Variants in XPO6 observed in about 807,000 individuals in gnomAD.
XPO6 encodes exportin-6.
A neutral mutation model predicts 130.0 loss-of-function variants in XPO6; 3 were observed. The ratio of observed to expected loss-of-function variants is 0.02; its 90% CI spans 0.01 to 0.06. The LOEUF (loss-of-function observed/expected upper bound fraction) is 0.06. Ranked by LOEUF, XPO6 falls within the 10% of genes least tolerant of loss-of-function variation. The pLI, the probability that XPO6 is intolerant of heterozygous loss-of-function variation, is 1.00. For missense variants in XPO6, 970 were observed against 1,393.0 expected (o/e 0.70, Z 4.83); for synonymous variants, 524 against 548.9 (o/e 0.95, Z 0.63).
intron 6 of XPO6, among the ~76,000 whole-genome samples, chr16:28,162,560 ATTT>A (rs113189417): frequency 3.6e-5 from 5 of 140,020 alleles, no homozygotes; most frequent in Non-Finnish European, 6.3e-5. Context: ...CATATTTGTA[ATTT>A]TTTTTTTTTT....
At chr16:28,122,796 C>A (rs1018808769) in intron 13 of XPO6, among the ~76,000 whole-genome samples, 7 of 151,948 alleles carry the variant, frequency 4.6e-5, no homozygotes, top group Non-Finnish European at 1.5e-5. Flanking sequence ...AAAAAAAATA[C>A]AGCAAACTGT....
At position 28,186,374 on chromosome 16, in the gene XPO6, C is replaced by CTTTTTTTTTTTTT. The variant is rs60754642; in HGVS notation, c.4-5356_4-5344dup. Among the ~76,000 whole-genome samples, 179 of 81,388 alleles carry CTTTTTTTTTTTTT rather than the reference C, an allele frequency of 2.2e-3. 18 individuals carry two copies. Among genetic ancestry groups the CTTTTTTTTTTTTT allele is most frequent in the African/African-American group, 3.1e-3 (48 of 15,256 alleles). The allele number at this position is 81,388 out of a possible 152,430, so 53.4% of individuals were successfully genotyped here. A position where few individuals can be genotyped will look rare whatever the true frequency, so the allele number is the denominator to read the frequency against. ...TATAGATTTTTCTGCCCCAGTTATT[C>CTTTTTTTTTTTTT]TTTTTTTTTTTTTTTTTGCTAAAGA... On this transcript the variant is annotated intron_variant, in intron 1 of 23. Coordinates refer to ENST00000304658, the MANE Select transcript of XPO6 (RefSeq NM_015171.4).
At chr16:28,134,370 C>T (rs1399772619) in intron 10 of XPO6, among the ~76,000 whole-genome samples, 1 of 152,236 alleles carries the variant, frequency 6.6e-6, no homozygotes, top group Non-Finnish European at 1.5e-5. Context: ...TGGTCCTCAC[C>T]CCAAGCCTCC....
intron 13 of XPO6, among the ~76,000 whole-genome samples, chr16:28,124,150 C>T (rs892650000): frequency 4.6e-5 from 7 of 151,972 alleles, no homozygotes; most frequent in Admixed American, 2.6e-4. Context: ...CTCCGCCTCC[C>T]AGGTTCAAGC....
At chr16:28,204,570 A>C (rs1320572267) in intron 1 of XPO6, among the ~76,000 whole-genome samples, 1 of 152,122 alleles carries the variant, frequency 6.6e-6, no homozygotes, top group Non-Finnish European at 1.5e-5. Context: ...CCCGTCTCAC[A>C]AACCAGCTTG....
At position 28,211,496 on chromosome 16, in the gene XPO6, C is replaced by A; in HGVS notation, c.-128G>T. On this transcript the variant is annotated 5_prime_UTR_variant, in exon 1 of 24. Coordinates refer to ENST00000304658, the MANE Select transcript of XPO6 (RefSeq NM_015171.4). ...CCACCCATGCAAAGACAACCCCTTC[C>A]CCACCGGGCCCCGAGGGGACCCTCT... The A allele has an allele frequency of 9.0e-7, 1 of 1,114,858 alleles. No individual in the cohort carries two copies. Among genetic ancestry groups the A allele is most frequent in the East Asian group, 3.1e-5 (1 of 32,150 alleles). 69.1% of individuals were successfully genotyped at this position (1,114,858 alleles called of 1,614,324 possible).
intron 1 of XPO6, among the ~76,000 whole-genome samples, chr16:28,200,722 T>C (rs903435529): frequency 3.9e-5 from 6 of 152,158 alleles, no homozygotes; most frequent in African/African-American, 7.2e-5. Context: ...TTTATTTTCT[T>C]AGCCCAGATG....
Position 28,106,316 on chromosome 16 carries a change from A to G in XPO6, c.2612+67T>C. On this transcript the variant is annotated intron_variant, in intron 19 of 23. Transcript: ENST00000304658. This position sits in a 1 kb window ranked among gnomAD's most constrained non-coding sequence, Gnocchi z 4.2. The stretch of plus-strand genomic sequence containing the variant: ...GTGCAGAACAGGAGCAAAAAGCCAC[A>G]CTTTGTCGCCAGACCCACCACTTCT... 1.2e-6 allele frequency: 2 copies of G among 1,606,746 alleles called. No homozygotes were observed. The highest frequency in any genetic ancestry group is 2.2e-5 in the South Asian group (2 of 90,888).
At chr16:28,197,985 A>AC (rs2043895167) in intron 1 of XPO6, among the ~76,000 whole-genome samples, 1 of 132,718 alleles carries the variant, frequency 7.5e-6, no homozygotes. Flanking sequence ...AAAAAAAAAA[A>AC]AAAACCCTCA....
intron 1 of XPO6, among the ~76,000 whole-genome samples, chr16:28,190,345 A>G (rs1335594251): frequency 1.3e-5 from 2 of 151,102 alleles, no homozygotes; most frequent in Non-Finnish European, 2.9e-5. Flanking sequence ...TCAGCCTCCC[A>G]AGGAGCTCGG....
At chr16:28,208,444 G>T (rs1468157891) in intron 1 of XPO6, among the ~76,000 whole-genome samples, 1 of 152,152 alleles carries the variant, frequency 6.6e-6, no homozygotes, top group Non-Finnish European at 1.5e-5. Context: ...ACCTTTGGGG[G>T]ACAGGGCCTA....
rs1596982171 is a variant in XPO6 at position 28,207,202 on chromosome 16, C to T, written c.3+4164G>A. 4.0e-5 allele frequency among the ~76,000 whole-genome samples: 6 copies of T among 150,806 alleles called. 1 individual carries two copies. Among genetic ancestry groups the T allele is most frequent in the Admixed American group, 3.3e-4 (5 of 15,110 alleles). ...GGCAGAGGTTGCAGTAAGCCAAGAT[C>T]GTACCACTGCACTCCAGCCTGGGTG... On this transcript the variant is annotated intron_variant, in intron 1 of 23. Transcript: ENST00000304658.
At chr16:28,145,478 T>C (rs1248514296) in intron 9 of XPO6, among the ~76,000 whole-genome samples, 1 of 152,234 alleles carries the variant, frequency 6.6e-6, no homozygotes, top group African/African-American at 2.4e-5. Context: ...CCGCATTCTC[T>C]GTTTTTTAAA....
intron 15 of XPO6, 37 bp from the exon 16 acceptor site, chr16:28,113,087 C>T (rs2086969805): frequency 6.3e-7 from 1 of 1,595,418 alleles, no homozygotes; most frequent in Non-Finnish European, 8.6e-7. Context: ...TCACCACATC[C>T]CTGTAAGACT....
Position 28,112,984 on chromosome 16 carries a change from C to T in XPO6, c.2071G>A (p.Val691Ile), listed in dbSNP as rs372966193. The T allele has an allele frequency of 4.2e-4, 674 of 1,614,160 alleles. 12 individuals are homozygous for T. In the South Asian group the frequency reaches 6.5e-3, roughly 15 times the overall value. ...LVSLATTVRP[V>I]FLISIPAVQK... ...ACTGCAGGGATGCTGATCAGAAAGA[C>T]GGGCCGCACGGTGGTGGCCAGTGAG... Residue 691 changes from valine (V) to isoleucine (I), a missense_variant, in exon 16 of 24, where the codon GTC (valine) becomes ATC (isoleucine). Val to Ile is a conservative substitution (Grantham distance 29, BLOSUM62 3). This residue lies in a region of XPO6 where 936 missense variants were observed against 1,306.8 expected (regional missense o/e 0.72). Coordinates refer to ENST00000304658, the MANE Select transcript of XPO6 (RefSeq NM_015171.4).
intron 6 of XPO6, 125 bp from the exon 7 acceptor site, chr16:28,156,652 G>A: frequency 1.8e-6 from 1 of 563,292 alleles, no homozygotes; most frequent in African/African-American, 1.9e-5. Context: ...AGTTACCTAT[G>A]AAATAAAAAA....
In XPO6 at chr16:28,167,225, G is replaced by C. The variant is rs183649767; in HGVS notation, c.566-640C>G. On this transcript the variant is annotated intron_variant, in intron 5 of 23. Transcript: ENST00000304658. ...GATGGGGGCTTCAGAAACAAGGCAA[G>C]GCAGTAACAGACCTGCATGTCCACC... The C allele has an allele frequency of 9.1e-6, 9 of 985,382 alleles. No individual in the cohort carries two copies. The Admixed American group carries it at 4.9e-4, about 54-fold the overall frequency. The allele number at this position is 985,382 out of a possible 1,614,324, so 61.0% of individuals were successfully genotyped here.
intron 4 of XPO6, among the ~76,000 whole-genome samples, chr16:28,173,884 G>C (rs1272759962): frequency 6.6e-6 from 1 of 152,082 alleles, no homozygotes; most frequent in African/African-American, 2.4e-5. Context: ...TCATCAAAGG[G>C]ACCAATCCCA....
intron 9 of XPO6, among the ~76,000 whole-genome samples, chr16:28,140,406 G>A (rs917732418): frequency 3.3e-5 from 5 of 152,034 alleles, no homozygotes; most frequent in South Asian, 2.1e-4. Flanking sequence ...ATAGCCGGGC[G>A]TGGTGGCTCA....
Sources: allele counts gnomAD v4.1 joint callset (sites outside exome capture counted in the v4.1 genomes callset), GRCh38; gene constraint gnomAD v4.1.1; regional missense constraint gnomAD v4.1.1; non-coding constraint Gnocchi (gnomAD v3.1); transcripts MANE v1.5; gene names NCBI Gene and HGNC (gene_info 2026-07-23, HGNC 2026-07-21).